The following ZC3HC1 variants were observed in gnomAD, a reference collection of about 807,000 sequenced individuals.
ZC3HC1 encodes zinc finger C3HC-type protein 1.
A neutral mutation model predicts 61.9 loss-of-function variants in ZC3HC1; 38 were observed. That is an observed-to-expected ratio of 0.61 (90% confidence interval 0.47 to 0.81). The LOEUF (loss-of-function observed/expected upper bound fraction) is 0.81, where lower values mean the gene tolerates loss of function less well. Ranked by LOEUF, ZC3HC1 falls within the 30% of genes least tolerant of loss-of-function variation. The pLI, the probability that ZC3HC1 is intolerant of heterozygous loss-of-function variation, is 0.00. For synonymous variants in ZC3HC1, 213 were observed against 229.9 expected, an observed-to-expected ratio of 0.93 and a Z score of 0.67; for missense variants, 554 against 622.7, an observed-to-expected ratio of 0.89 and a Z score of 1.17.
chr7:130,028,766 C>T, intron 5 of ZC3HC1, 136 bp downstream of exon 5: 1 of 1,205,340 alleles, frequency 8.3e-7, no homozygotes, highest in Non-Finnish European at 1.1e-6. Context: ...CTGGTGGAGA[C>T]TGAAAAGGTC....
intron 2 of ZC3HC1, among the ~76,000 whole-genome samples, chr7:130,042,672 GTTTT>G (rs1036354779): frequency 6.6e-6 from 1 of 152,044 alleles, no homozygotes; most frequent in Admixed American, 6.6e-5. Flanking sequence ...TAAATGCTCA[GTTTT>G]TTTGTTTGTT....
At chr7:130,049,664 C>T (rs1273000475) in intron 1 of ZC3HC1, among the ~76,000 whole-genome samples, 3 of 151,892 alleles carry the variant, frequency 2.0e-5, no homozygotes, top group African/African-American at 7.3e-5. Flanking sequence ...CCTGCCTCGG[C>T]CTCCCCAGTA....
At chr7:130,049,268 T>C (rs913130956) in intron 1 of ZC3HC1, 124 bp from the exon 2 acceptor site, 61 of 548,504 alleles carry the variant, frequency 1.1e-4, no homozygotes, top group Non-Finnish European at 1.7e-4. Context: ...TTCCTAAAAA[T>C]CATTTTACTC....
chr7:130,050,055 C>T (rs1191527350), intron 1 of ZC3HC1, among the ~76,000 whole-genome samples: 1 of 151,982 alleles, frequency 6.6e-6, no homozygotes, highest in African/African-American at 2.4e-5. Flanking sequence ...TCAACAGTGC[C>T]TGGGGAATTG....
At chr7:130,049,689 C>T (rs774100078) in intron 1 of ZC3HC1, among the ~76,000 whole-genome samples, 11 of 151,816 alleles carry the variant, frequency 7.2e-5, no homozygotes, top group African/African-American at 1.2e-4. Flanking sequence ...GGATTACAGG[C>T]GCGTACCACC....
At chr7:130,028,490 C>T (rs1013549006) in intron 5 of ZC3HC1, among the ~76,000 whole-genome samples, 1 of 151,790 alleles carries the variant, frequency 6.6e-6, no homozygotes, top group Non-Finnish European at 1.5e-5. Flanking sequence ...TGCAGTGAGC[C>T]GAGATTACAC....
intron 2 of ZC3HC1, chr7:130,043,824 G>A (rs749964084): frequency 2.2e-6 from 1 of 455,562 alleles, no homozygotes. Flanking sequence ...ATGCAAGAAA[G>A]GATGGCAGCA....
At chr7:130,031,495 G>A (rs944025737) in intron 4 of ZC3HC1, among the ~76,000 whole-genome samples, 1 of 152,022 alleles carries the variant, frequency 6.6e-6, no homozygotes, top group African/African-American at 2.4e-5. Flanking sequence ...TTATACTGTC[G>A]CAGTGAGAAC....
At position 130,051,352 on chromosome 7, in the gene ZC3HC1, A is replaced by C. The variant is rs1157255334; in HGVS notation, c.15T>G (p.Cys5Trp). The C allele has an allele frequency of 1.9e-6, 3 of 1,612,400 alleles. No individual in the cohort carries two copies. The highest frequency in any genetic ancestry group is 2.2e-5 in the East Asian group (1 of 44,750). The stretch of plus-strand genomic sequence containing the variant: ...CCCCTACGGCAAACGCTTGTCCCTC[A>C]CAGGGCGCCGCCATCTTGGTCCGCT... MAAP[C>W]EGQAFAVGVE... is the part of the protein sequence containing the mutation. The change falls in exon 1 of 10, where the codon TGT becomes TGG. Residue 5 changes from cysteine to tryptophan, a missense_variant. Transcript: ENST00000358303.
chr7:130,033,615 G>C (rs1268596488), intron 4 of ZC3HC1, among the ~76,000 whole-genome samples: 1 of 151,992 alleles, frequency 6.6e-6, no homozygotes, highest in African/African-American at 2.4e-5. Context: ...ACCATGCCTG[G>C]CTTGTTTTTT....
intron 2 of ZC3HC1, among the ~76,000 whole-genome samples, chr7:130,042,254 G>A (rs969576559): frequency 4.8e-5 from 7 of 145,326 alleles, no homozygotes; most frequent in South Asian, 2.1e-4. Context: ...AGTAAGATAC[G>A]ATCACACCAC....
intron 4 of ZC3HC1, among the ~76,000 whole-genome samples, chr7:130,038,049 G>C (rs1170297691): frequency 1.3e-5 from 2 of 152,112 alleles, no homozygotes; most frequent in African/African-American, 4.8e-5. Flanking sequence ...TCCTGTCTTG[G>C]CCTCCCAGTG....
chr7:130,027,661 G>T (rs992159370), intron 5 of ZC3HC1, among the ~76,000 whole-genome samples: 1 of 152,050 alleles, frequency 6.6e-6, no homozygotes, highest in African/African-American at 2.4e-5. Context: ...GGGACTACAG[G>T]CATAAACTAC....
In ZC3HC1 at chr7:130,026,217, G is replaced by T. The variant is rs774858533; in HGVS notation, c.717C>A (p.Gly239=). ...TDERKTTIKL[G]SDIQVHVTAC... ...CAGTGACGTGGACTTGGATGTCTGAGCCTAATTTGATTGTAGTTTTTCTCT... is the reference window on the plus strand; with the variant it reads ...CAGTGACGTGGACTTGGATGTCTGATCCTAATTTGATTGTAGTTTTTCTCT... The change falls in exon 6 of 10, where the codon GGC becomes GGA. Residue 239 remains glycine (G), a synonymous_variant. Transcript: ENST00000358303. 6.2e-7 allele frequency: 1 copy of T among 1,614,114 alleles called. No homozygotes were observed. The highest frequency in any genetic ancestry group is 8.5e-7 in the Non-Finnish European group (1 of 1,180,030).
chr7:130,048,335 T>A (rs1794947960), intron 2 of ZC3HC1, among the ~76,000 whole-genome samples: 2 of 151,866 alleles, frequency 1.3e-5, no homozygotes, highest in African/African-American at 2.4e-5. Context: ...TGTTTTGTTT[T>A]ATTTTATTTT....
chr7:130,019,953 A>G (rs967840306), intron 9 of ZC3HC1, among the ~76,000 whole-genome samples: 2 of 150,338 alleles, frequency 1.3e-5, no homozygotes, highest in South Asian at 4.2e-4. Flanking sequence ...AGTAGCTGGG[A>G]TTACAGGCAT....
At position 130,024,252 on chromosome 7, in the gene ZC3HC1, T is replaced by C; in HGVS notation, c.1020+11A>G. The stretch of plus-strand genomic sequence containing the variant: ...GTTTAAAATTCCACCCCAAATAAGC[T>C]AAGTGAATACCTGCTCTGAGCCTGG... On this transcript the variant is annotated intron_variant, in intron 7 of 9. Transcript: ENST00000358303. 3.2e-6 allele frequency: 5 copies of C among 1,574,448 alleles called. No individual in the cohort carries two copies. Among genetic ancestry groups the C allele is most frequent in the Non-Finnish European group, 4.3e-6 (5 of 1,160,084 alleles).
In ZC3HC1 at chr7:130,051,359, G is replaced by C. The variant is rs753974295; in HGVS notation, c.8C>G (p.Ala3Gly). 2.5e-6 allele frequency: 4 copies of C among 1,612,354 alleles called. No individual in the cohort carries two copies. In the South Asian group the frequency reaches 4.4e-5, roughly 18 times the overall value. MA[A>G]PCEGQAFAVG... The stretch of plus-strand genomic sequence containing the variant: ...GGCAAACGCTTGTCCCTCACAGGGC[G>C]CCGCCATCTTGGTCCGCTGCCGAGT... The change falls in exon 1 of 10, where the codon GCG (alanine) becomes GGG (glycine). Residue 3 changes from alanine to glycine, a missense_variant. Physicochemically the swap from Ala to Gly is moderately conservative, Grantham distance 60 (BLOSUM62 0). Coordinates refer to ENST00000358303, the MANE Select transcript of ZC3HC1 (RefSeq NM_016478.5).
chr7:130,050,153 C>T (rs568690460), intron 1 of ZC3HC1, among the ~76,000 whole-genome samples: 14 of 152,256 alleles, frequency 9.2e-5, no homozygotes, highest in Non-Finnish European at 1.5e-4. Context: ...TCTCGGCTCA[C>T]TGCAACCTCC....
Sources: allele counts gnomAD v4.1 joint callset (sites outside exome capture counted in the v4.1 genomes callset), GRCh38; gene constraint gnomAD v4.1.1; transcripts MANE v1.5; gene names NCBI Gene and HGNC (gene_info 2026-07-23, HGNC 2026-07-21).